TLE2: variants seen among roughly 807,000 people sequenced by gnomAD.
TLE2 encodes the protein TLE family member 2, transcriptional corepressor, also known as transducin-like enhancer protein 2.
In TLE2, 74 loss-of-function variants were observed where a neutral mutation model predicts 97.2. That is an observed-to-expected ratio of 0.76 (90% CI 0.63 to 0.92). The LOEUF is 0.92. Ranked by LOEUF, TLE2 falls within the 40% of genes least tolerant of loss-of-function variation. TLE2 has a pLI of 0.00. For synonymous variants in TLE2, 499 were observed against 432.1 expected (o/e 1.15, Z -1.92); for missense variants, 1,038 against 1,008.7 (o/e 1.03, Z -0.39).
intron 14 of TLE2, among the ~76,000 whole-genome samples, chr19:3,008,597 C>T (rs1215891673): frequency 6.6e-6 from 1 of 152,086 alleles, no homozygotes; most frequent in Non-Finnish European, 1.5e-5. Context: ...ATTACAGGTG[C>T]CCGCCACCAC....
Position 3,008,888 on chromosome 19 carries a change from T to A in TLE2, c.1231A>T (p.Ser411Cys). 6.3e-7 allele frequency: 1 copy of A among 1,590,336 alleles called. No individual in the cohort carries two copies. Among genetic ancestry groups the A allele is most frequent in the South Asian group, 1.2e-5 (1 of 86,942 alleles). Residue 411 changes from serine (S) to cysteine (C), a missense_variant, in exon 14 of 20, where the codon AGC (serine) becomes TGC (cysteine). Ser to Cys is a moderately radical substitution (Grantham distance 112, BLOSUM62 -1). Coordinates refer to ENST00000262953, the MANE Select transcript of TLE2 (RefSeq NM_003260.5). Reference sequence around the variant, plus strand: ...ACTCACGGCTTTCCCCCAGGGATGCTGGGTAGGGAGGAAGAGACGGATGAC... The same window carrying A: ...ACTCACGGCTTTCCCCCAGGGATGCAGGGTAGGGAGGAAGAGACGGATGAC... Reference protein sequence around the residue: ...RGSSVSSSLPSIPGGKPAYSF... With the variant: ...RGSSVSSSLPCIPGGKPAYSF...
intron 18 of TLE2, among the ~76,000 whole-genome samples, chr19:3,000,969 C>T (rs55954173): frequency 0.092 from 14,025 of 151,862 alleles, 891 homozygotes; most frequent in Middle Eastern, 0.18. Flanking sequence ...TGCACCACCA[C>T]GCCCAGCTAA....
upstream of TLE2, among the ~76,000 whole-genome samples, chr19:3,046,931 T>TCCCTCCCCCTCATCC (rs1247386481): frequency 1.4e-5 from 1 of 71,432 alleles, no homozygotes; most frequent in Non-Finnish European, 2.6e-5. Flanking sequence ...CCCCCTCCTC[T>TCCCTCCCCCTCATCC]GCCTCCCCCT....
chr19:3,014,605 C>G lies in TLE2; in HGVS notation c.688G>C (p.Glu230Gln). The G allele has an allele frequency of 1.3e-6, 2 of 1,589,070 alleles. No homozygotes were observed. The highest frequency in any genetic ancestry group is 2.3e-5 in the East Asian group (1 of 42,722). ...KEPSGPYESD[E>Q]DKSDYNLVVD... The stretch of plus-strand genomic sequence containing the variant: ...ACCAGATTGTAATCACTCTTGTCTT[C>G]GTCGCTTTCCTGGGGGAAGATGGGG... The change falls in exon 10 of 20, where the codon GAA (glutamate) becomes CAA (glutamine). Residue 230 changes from glutamate (E) to glutamine (Q), a missense_variant. By Grantham distance (29) the Glu-to-Gln change is conservative (BLOSUM62 2). Coordinates refer to ENST00000262953, the MANE Select transcript of TLE2 (RefSeq NM_003260.5).
At chr19:3,036,795 C>G (rs995568379) in intron 1 of TLE2, among the ~76,000 whole-genome samples, 10 of 152,174 alleles carry the variant, frequency 6.6e-5, no homozygotes, top group African/African-American at 2.2e-4. Flanking sequence ...CAGGGCTGAC[C>G]TTGGTGGAAA....
Position 3,005,096 on chromosome 19 carries a change from G to A in TLE2, c.1896+341C>T, listed in dbSNP as rs189384095. On this transcript the variant is annotated intron_variant, in intron 17 of 19. Transcript: ENST00000262953. ...CTCAGTTGGGAAGTGTGTGTCCCGC[G>A]CTCTCGGCGGCGTCCAGAGATTAAA... 1.9e-3 allele frequency among the ~76,000 whole-genome samples: 284 copies of A among 152,036 alleles called. 1 individual carries two copies. Among genetic ancestry groups the A allele is most frequent in the African/African-American group, 6.4e-3 (264 of 41,456 alleles).
intron 19 of TLE2, among the ~76,000 whole-genome samples, chr19:2,999,261 G>A (rs147611823): frequency 0.023 from 3,458 of 151,956 alleles, 92 homozygotes; most frequent in Admixed American, 0.062. Context: ...CAGGCTGGGC[G>A]ACAGAGAAGG....
chr19:3,043,963 G>A (rs944802184), intron 1 of TLE2, among the ~76,000 whole-genome samples: 5 of 151,952 alleles, frequency 3.3e-5, no homozygotes, highest in Admixed American at 6.6e-5. Context: ...CAGCCTCGGC[G>A]ACAGAGCAAG....
At chr19:3,047,188 C>G (rs1229565356), upstream of TLE2, among the ~76,000 whole-genome samples, 9 of 114,524 alleles carry the variant, frequency 7.9e-5, no homozygotes, top group African/African-American at 3.1e-4. Context: ...CCCCGTCCTC[C>G]GCCTCATTAG....
chr19:3,013,270 A>C (rs2089633962), intron 11 of TLE2, among the ~76,000 whole-genome samples: 1 of 151,948 alleles, frequency 6.6e-6, no homozygotes, highest in South Asian at 2.1e-4. Flanking sequence ...TCCGGGGACA[A>C]CATCTCAGCT....
chr19:2,997,832 G>T lies in TLE2; in HGVS notation c.*16C>A. On this transcript the variant is annotated 3_prime_UTR_variant, in exon 20 of 20. Transcript: ENST00000262953. ...CTGGGAGTCTGGACTTCGGGTACAG[G>T]AAGGGGGGTCATGTCTCAGTAGACC... The T allele has an allele frequency of 6.3e-7, 1 of 1,577,560 alleles. No individual in the cohort carries two copies. Among genetic ancestry groups the T allele is most frequent in the Non-Finnish European group, 8.7e-7 (1 of 1,154,426 alleles).
chr19:3,015,824 G>T (rs2089690815), intron 8 of TLE2, 64 bp from the exon 9 acceptor site: 1 of 1,256,094 alleles, frequency 8.0e-7, no homozygotes, highest in Admixed American at 2.0e-5. Context: ...ATTGCATTGT[G>T]ATCCAGCCGA....
chr19:3,033,454 A>G (rs2090041308), upstream of TLE2, among the ~76,000 whole-genome samples: 1 of 152,152 alleles, frequency 6.6e-6, no homozygotes. Context: ...GGCGTGAGCC[A>G]CCGCACCCGG....
chr19:3,006,599 C>T lies in TLE2; in HGVS notation c.1321G>A (p.Gly441Ser), dbSNP rs990549276. The T allele has an allele frequency of 6.2e-7, 1 of 1,609,656 alleles. No homozygotes were observed. Among genetic ancestry groups the T allele is most frequent in the African/African-American group, 1.3e-5 (1 of 74,846 alleles). Residue 441 changes from glycine to serine, a missense_variant, in exon 15 of 20, where the codon GGC (glycine) becomes AGC (serine). Transcript: ENST00000262953. ...CGGGCGTGCCGCGGGATGCCCGCGC[C>T]TACCAGTGCATCCGAGGGGAAGGGA... is the stretch of plus-strand genomic sequence containing the variant. ...PVPFPSDALV[G>S]AGIPRHARQL...
At chr19:3,037,465 T>G (rs2090070973) in intron 1 of TLE2, among the ~76,000 whole-genome samples, 1 of 152,214 alleles carries the variant, frequency 6.6e-6, no homozygotes. Flanking sequence ...GAGTGAGCCT[T>G]GGGCTCTGAC....
chr19:3,047,066 C>T (rs1379300160), upstream of TLE2, among the ~76,000 whole-genome samples: 1 of 53,066 alleles, frequency 1.9e-5, no homozygotes, highest in East Asian at 5.5e-4. Context: ...TCCCCTCCCT[C>T]CCCCTCCCTC....
chr19:3,009,887 C>CTCTCTTTT (rs764492373), intron 12 of TLE2, among the ~76,000 whole-genome samples, 185 bp from the exon 13 acceptor site: 4 of 148,416 alleles, frequency 2.7e-5, no homozygotes, highest in Non-Finnish European at 4.5e-5. Flanking sequence ...TTCTCTCTCT[C>CTCTCTTTT]TTTTTTTCTT....
At chr19:3,036,910 G>A (rs563020822) in intron 1 of TLE2, among the ~76,000 whole-genome samples, 1 of 152,308 alleles carries the variant, frequency 6.6e-6, no homozygotes, top group East Asian at 1.9e-4. Flanking sequence ...CTGGGGGTGG[G>A]AGTGGGGGCA....
chr19:3,011,608 G>T (rs2089598979), intron 11 of TLE2, among the ~76,000 whole-genome samples: 1 of 150,436 alleles, frequency 6.6e-6, no homozygotes, highest in African/African-American at 2.5e-5. Flanking sequence ...CCACCACTTT[G>T]GGAGGCCGAG....
Sources: gnomAD v4.1 joint callset for allele counts (sites outside exome capture counted in the v4.1 genomes callset) on GRCh38, gnomAD v4.1.1 for gene constraint, MANE v1.5 for transcripts, NCBI Gene and HGNC (gene_info 2026-07-23, HGNC 2026-07-21) for gene names.